Variants in CHODL observed in about 807,000 individuals in gnomAD.
CHODL encodes the protein chondrolectin.
CHODL carries 29 observed loss-of-function variants against 34.5 expected under a neutral mutation model. That is an observed-to-expected ratio of 0.84 (90% CI 0.63 to 1.15). The LOEUF (loss-of-function observed/expected upper bound fraction) is 1.15. CHODL is among the 50% of genes most tolerant of loss of function. CHODL has a pLI of 0.00. For synonymous variants in CHODL, 125 were observed against 116.1 expected, an observed-to-expected ratio of 1.08 and a Z score of -0.49; for missense variants, 332 against 332.5, an observed-to-expected ratio of 1.00 and a Z score of 0.01.
chr21:18,252,835 G>A (rs2074273780), intron 1 of CHODL, among the ~76,000 whole-genome samples: 1 of 151,990 alleles, frequency 6.6e-6, no homozygotes, highest in Non-Finnish European at 1.5e-5. Flanking sequence ...TGCCCTGAGA[G>A]TCTCCCGACC....
At chr21:18,243,627 C>G (rs879818385), upstream of CHODL, among the ~76,000 whole-genome samples, 4 of 151,552 alleles carry the variant, frequency 2.6e-5, no homozygotes, top group Non-Finnish European at 5.9e-5. Flanking sequence ...ACTGCAGCGT[C>G]AAACTCCTAC....
chr21:18,060,921 T>C (rs1490284665), intron 2 of CHODL, among the ~76,000 whole-genome samples: 1 of 152,132 alleles, frequency 6.6e-6, no homozygotes, highest in Admixed American at 6.5e-5. Context: ...ACAACTACCA[T>C]AAATGAGTGT....
rs369631179 is a variant in CHODL at position 18,129,797 on chromosome 21, A to T, written c.-45+101826A>T. Among the ~76,000 whole-genome samples the T allele has an allele frequency of 4.9e-4, 75 of 152,240 alleles. 1 individual carries two copies. In the South Asian group the frequency reaches 0.014, roughly 28 times the overall value. Reference sequence around the variant, plus strand: ...AAAATGGTGTGATGTTCCTGGAATGAGGCTGATAAATTGCTTGGCAGTTGC... The same window carrying T: ...AAAATGGTGTGATGTTCCTGGAATGTGGCTGATAAATTGCTTGGCAGTTGC... On this transcript the variant is annotated intron_variant, in intron 2 of 6. Coordinates refer to the CHODL transcript ENST00000400127.
At chr21:18,234,000 G>C (rs906508216) in intron 2 of CHODL, among the ~76,000 whole-genome samples, 12 of 152,066 alleles carry the variant, frequency 7.9e-5, no homozygotes, top group African/African-American at 2.9e-4. Context: ...TGAATCAATA[G>C]AGCATTAACT....
At position 18,245,078 on chromosome 21, in the gene CHODL, C is replaced by A; in HGVS notation, c.-146C>A. ...GCAGGTCCCGGCCGAAGGCGATGCG[C>A]GCAGGGGGTCGGGCAGCTGGGCTCG... On this transcript the variant is annotated 5_prime_UTR_variant, in exon 1 of 6. Coordinates refer to ENST00000299295, the MANE Select transcript of CHODL (RefSeq NM_024944.3). 1.6e-6 allele frequency: 1 copy of A among 627,512 alleles called. No homozygotes were observed. 38.9% of individuals were successfully genotyped at this position (627,512 alleles called of 1,614,324 possible).
intron 2 of CHODL, among the ~76,000 whole-genome samples, chr21:18,126,255 G>A (rs886875408): frequency 3.3e-5 from 5 of 152,184 alleles, no homozygotes; most frequent in Non-Finnish European, 7.3e-5. Flanking sequence ...AAAGGATTAT[G>A]ACTCTATGAA....
intron 2 of CHODL, among the ~76,000 whole-genome samples, chr21:18,115,228 G>A (rs189566014): frequency 6.6e-6 from 1 of 152,336 alleles, no homozygotes; most frequent in East Asian, 1.9e-4. Flanking sequence ...CTATGTGCCG[G>A]AATCCTGGAA....
chr21:18,124,260 T>C (rs1402903815), intron 2 of CHODL, among the ~76,000 whole-genome samples: 1 of 152,186 alleles, frequency 6.6e-6, no homozygotes, highest in Non-Finnish European at 1.5e-5. Context: ...GTCATCCCAT[T>C]ACCCTAAAGT....
chr21:18,245,416 T>TA (rs1198164402), intron 1 of CHODL, 114 bp downstream of exon 1: 1 of 802,000 alleles, frequency 1.2e-6, no homozygotes, highest in Non-Finnish European at 1.9e-6. Context: ...CTGCATGGTG[T>TA]AAGGACCCGG....
At chr21:18,132,992 T>C (rs2072675526) in intron 2 of CHODL, among the ~76,000 whole-genome samples, 1 of 152,164 alleles carries the variant, frequency 6.6e-6, no homozygotes, top group Admixed American at 6.6e-5. Flanking sequence ...CTAATGAAAC[T>C]ATTGGCAATT....
chr21:18,108,298 T>G (rs1399851550), intron 2 of CHODL, among the ~76,000 whole-genome samples: 1 of 152,156 alleles, frequency 6.6e-6, no homozygotes, highest in East Asian at 1.9e-4. Context: ...ATTTAGGGTA[T>G]TGGATCTCCC....
At chr21:17,974,630 A>T (rs2063646374) in intron 1 of CHODL, among the ~76,000 whole-genome samples, 1 of 152,118 alleles carries the variant, frequency 6.6e-6, no homozygotes, top group Non-Finnish European at 1.5e-5. Context: ...CTATTGAAAA[A>T]CGAAGTAAAA....
At chr21:18,057,150 C>G (rs1384048683) in intron 2 of CHODL, among the ~76,000 whole-genome samples, 1 of 152,064 alleles carries the variant, frequency 6.6e-6, no homozygotes, top group Non-Finnish European at 1.5e-5. Context: ...GGGTAAGATC[C>G]TGATTCCAGC....
At chr21:18,051,238 G>T (rs1446746824) in intron 2 of CHODL, among the ~76,000 whole-genome samples, 1 of 151,772 alleles carries the variant, frequency 6.6e-6, no homozygotes, top group Non-Finnish European at 1.5e-5. Context: ...CTTCATCCAT[G>T]TCCCTGCAAA....
chr21:18,014,378 C>G (rs2064050715), intron 1 of CHODL, among the ~76,000 whole-genome samples: 1 of 152,132 alleles, frequency 6.6e-6, no homozygotes, highest in Non-Finnish European at 1.5e-5. Context: ...AATGCAGGAA[C>G]AGAAAATGAA....
intron 2 of CHODL, among the ~76,000 whole-genome samples, chr21:18,185,339 A>G (rs2073428052): frequency 6.6e-6 from 1 of 152,124 alleles, no homozygotes; most frequent in East Asian, 1.9e-4. Flanking sequence ...ATGTCCCTGA[A>G]AAGGACATGA....
intron 2 of CHODL, among the ~76,000 whole-genome samples, chr21:18,224,527 A>G (rs979138717): frequency 3.9e-5 from 6 of 152,172 alleles, no homozygotes; most frequent in African/African-American, 1.2e-4. Context: ...TGTCCAAAAG[A>G]TGCTGAGGGA....
chr21:17,917,889 GTA>G (rs899818528), intron 1 of CHODL, among the ~76,000 whole-genome samples: 9 of 151,694 alleles, frequency 5.9e-5, no homozygotes, highest in African/African-American at 1.5e-4. Flanking sequence ...GTGTGTGTGT[GTA>G]TGTGTGTGTG....
chr21:18,041,258 A>G (rs1029204040), intron 2 of CHODL, among the ~76,000 whole-genome samples: 19 of 151,874 alleles, frequency 1.3e-4, no homozygotes, highest in African/African-American at 4.3e-4. Flanking sequence ...AGAAAGAGAG[A>G]TAGTGTTGGA....
Sources: gnomAD v4.1 joint callset for allele counts (sites outside exome capture counted in the v4.1 genomes callset) on GRCh38, gnomAD v4.1.1 for gene constraint, MANE v1.5 for transcripts, NCBI Gene and HGNC (gene_info 2026-07-23, HGNC 2026-07-21) for gene names.